The following MICAL3 variants were observed in gnomAD, a reference collection of about 807,000 sequenced individuals.
MICAL3 encodes the protein microtubule associated monooxygenase, calponin and LIM domain containing 3.
MICAL3 carries 62 observed loss-of-function variants against 207.4 expected under a neutral mutation model. The ratio of observed to expected loss-of-function variants is 0.30; its 90% confidence interval spans 0.24 to 0.37. The LOEUF (loss-of-function observed/expected upper bound fraction) is 0.37. Among genes scored for constraint, MICAL3 ranks in the 10% least tolerant of loss-of-function variants. The pLI is 1.00. For synonymous variants in MICAL3, 1,077 were observed against 1,069.3 expected (o/e 1.01, Z -0.14); for missense variants, 2,368 against 2,635.6 (o/e 0.90, Z 2.22).
At chr22:17,916,242 A>G (rs1300530149) in intron 1 of MICAL3, among the ~76,000 whole-genome samples, 2 of 151,926 alleles carry the variant, frequency 1.3e-5, no homozygotes, top group African/African-American at 2.4e-5. Context: ...ATAGCGAGCG[A>G]CATCTGCCGC....
intron 29 of MICAL3, among the ~76,000 whole-genome samples, chr22:17,800,921 G>A (rs949120588): frequency 3.9e-5 from 6 of 152,192 alleles, no homozygotes; most frequent in Non-Finnish European, 7.3e-5. Context: ...CCTCACGGGC[G>A]TGGCGAGAAC....
Position 17,889,049 on chromosome 22 carries a change from A to T in MICAL3, c.1876T>A (p.Ser626Thr). ...LTQFYEMFKD[S>T]LPSSDTLDLN... ...CAGGCCTTACCGCTAGAGGGGAGGG[A>T]GTCCTTAAACATCTCGTAGAACTGA... The change falls in exon 13 of 32, where the codon TCC becomes ACC. Residue 626 changes from serine (S) to threonine (T), a missense_variant. By Grantham distance (58) the Ser-to-Thr change is moderately conservative. Coordinates refer to ENST00000441493, the MANE Select transcript of MICAL3 (RefSeq NM_015241.3). 6.2e-7 allele frequency: 1 copy of T among 1,605,006 alleles called. No homozygotes were observed. Among genetic ancestry groups the T allele is most frequent in the Non-Finnish European group, 8.5e-7 (1 of 1,172,660 alleles).
chr22:17,797,554 T>C (rs138017626), intron 29 of MICAL3, among the ~76,000 whole-genome samples: 329 of 152,294 alleles, frequency 2.2e-3, no homozygotes, highest in African/African-American at 7.1e-3. Flanking sequence ...ACTCTGTTCA[T>C]AGCCCGACAA....
intron 1 of MICAL3, among the ~76,000 whole-genome samples, chr22:17,910,826 C>T (rs1932092078): frequency 6.6e-6 from 1 of 152,212 alleles, no homozygotes; most frequent in Admixed American, 6.5e-5. Flanking sequence ...GTTACCGCCC[C>T]CATTTCCCTC....
intron 1 of MICAL3, among the ~76,000 whole-genome samples, chr22:18,016,910 G>T (rs383293): frequency 0.087 from 13,165 of 151,672 alleles, 706 homozygotes; most frequent in Middle Eastern, 0.16. Context: ...ACTGCACTCC[G>T]GCCTGGGTGA....
chr22:17,805,846 A>G (rs1305191800), intron 29 of MICAL3, among the ~76,000 whole-genome samples: 1 of 152,224 alleles, frequency 6.6e-6, no homozygotes, highest in Non-Finnish European at 1.5e-5. Flanking sequence ...CTCCTGCCTC[A>G]GCCTCCCGAG....
chr22:18,008,444 C>T (rs1923538586), intron 1 of MICAL3, among the ~76,000 whole-genome samples: 1 of 152,184 alleles, frequency 6.6e-6, no homozygotes, highest in African/African-American at 2.4e-5. Flanking sequence ...CCCATCCTAT[C>T]CATTGGATGA....
chr22:17,925,975 A>G (rs542091771), intron 1 of MICAL3, among the ~76,000 whole-genome samples: 1 of 152,320 alleles, frequency 6.6e-6, no homozygotes, highest in South Asian at 2.1e-4. Flanking sequence ...ATAAAATAAA[A>G]TTTATGAAAA....
intron 1 of MICAL3, among the ~76,000 whole-genome samples, chr22:17,972,386 A>G (rs985639126): frequency 2.6e-5 from 4 of 152,202 alleles, no homozygotes; most frequent in Non-Finnish European, 5.9e-5. Context: ...GTGGGACTCC[A>G]AGTAGAAACT....
chr22:17,872,823 C>T (rs1224420093), intron 16 of MICAL3: 3 of 1,612,976 alleles, frequency 1.9e-6, no homozygotes, highest in Admixed American at 1.7e-5. Context: ...AGCCAATGAG[C>T]TCACTCCGCC....
chr22:17,949,868 A>G (rs1844672284), intron 1 of MICAL3, among the ~76,000 whole-genome samples: 1 of 152,254 alleles, frequency 6.6e-6, no homozygotes, highest in African/African-American at 2.4e-5. Flanking sequence ...AGCCTGGCAC[A>G]ATGCGAATCT....
At chr22:17,894,000 T>C (rs760189936) in intron 10 of MICAL3, 96 bp from the exon 11 acceptor site, 14 of 873,788 alleles carry the variant, frequency 1.6e-5, no homozygotes, top group South Asian at 2.9e-5. Flanking sequence ...AAGTCTGGGA[T>C]AGAAGGCTGG....
chr22:17,820,575 C>T (rs962212582), intron 25 of MICAL3, among the ~76,000 whole-genome samples: 5 of 152,142 alleles, frequency 3.3e-5, no homozygotes, highest in Admixed American at 6.5e-5. Flanking sequence ...AGGATGGTCT[C>T]GATCTCCTGA....
intron 19 of MICAL3, among the ~76,000 whole-genome samples, chr22:17,846,531 C>T (rs1924649655): frequency 6.6e-6 from 1 of 152,180 alleles, no homozygotes. Context: ...ACAGCAGGGG[C>T]CTGGGCAGCG....
At chr22:17,905,125 T>C (rs1931622345) in intron 2 of MICAL3, among the ~76,000 whole-genome samples, 1 of 152,336 alleles carries the variant, frequency 6.6e-6, no homozygotes, top group East Asian at 1.9e-4. Context: ...ATCTGCAGCA[T>C]ATTTAAGTGG....
chr22:17,886,797 T>A (rs1275173172), intron 15 of MICAL3, among the ~76,000 whole-genome samples: 4 of 120,402 alleles, frequency 3.3e-5, no homozygotes, highest in African/African-American at 1.4e-4. Context: ...AGAGCCAGAC[T>A]CTGTCTCAAA....
intron 12 of MICAL3, among the ~76,000 whole-genome samples, chr22:17,889,502 A>G (rs1930221473): frequency 6.6e-6 from 1 of 152,232 alleles, no homozygotes; most frequent in South Asian, 2.1e-4. Context: ...TTTTTCTAGT[A>G]ACACAAATTT....
intron 1 of MICAL3, among the ~76,000 whole-genome samples, chr22:17,975,684 T>C (rs1935598578): frequency 6.6e-6 from 1 of 152,154 alleles, no homozygotes; most frequent in South Asian, 2.1e-4. Context: ...TCACCCCAAG[T>C]GTGTCCCCAA....
intron 11 of MICAL3, among the ~76,000 whole-genome samples, chr22:17,892,932 T>C (rs555879359): frequency 2.6e-5 from 4 of 152,262 alleles, no homozygotes; most frequent in African/African-American, 9.6e-5. Flanking sequence ...CCCATCGACT[T>C]CACCTCCTTA....
Sources: gnomAD v4.1 joint callset for allele counts (sites outside exome capture counted in the v4.1 genomes callset) on GRCh38, gnomAD v4.1.1 for gene constraint, MANE v1.5 for transcripts, NCBI Gene and HGNC (gene_info 2026-07-23, HGNC 2026-07-21) for gene names.